PDS5A: variants seen among roughly 807,000 people sequenced by gnomAD.
The protein encoded by PDS5A is sister chromatid cohesion protein PDS5 homolog A.
In PDS5A, 42 loss-of-function variants were observed where a neutral mutation model predicts 167.1. The observed-to-expected ratio is 0.25, with a 90% confidence interval of 0.20 to 0.33. The LOEUF (loss-of-function observed/expected upper bound fraction) is 0.33. Ranked by LOEUF, PDS5A falls within the 10% of genes least tolerant of loss-of-function variation. The pLI, the probability that PDS5A is intolerant of heterozygous loss-of-function variation, is 1.00. For missense variants in PDS5A, 1,033 were observed against 1,605.9 expected (o/e 0.64, Z 6.10); for synonymous variants, 553 against 554.6 (o/e 1.00, Z 0.04).
intron 26 of PDS5A, among the ~76,000 whole-genome samples, chr4:39,857,579 A>G (rs968886542): frequency 6.6e-6 from 1 of 152,174 alleles, no homozygotes; most frequent in African/African-American, 2.4e-5. Context: ...ATTTCATGTA[A>G]CAGTAACCAT....
intron 32 of PDS5A, among the ~76,000 whole-genome samples, chr4:39,836,801 C>T (rs955664951): frequency 7.8e-6 from 1 of 128,076 alleles, no homozygotes; most frequent in African/African-American, 2.6e-5. Flanking sequence ...TACACACATG[C>T]TTCAGTAACT....
intron 16 of PDS5A, among the ~76,000 whole-genome samples, chr4:39,890,773 T>C (rs963362324): frequency 2.0e-5 from 3 of 151,942 alleles, no homozygotes; most frequent in Non-Finnish European, 4.4e-5. Context: ...CGTGCCTCCA[T>C]GCCCAGCTAA....
At chr4:39,971,096 C>G (rs17585854) in intron 2 of PDS5A, among the ~76,000 whole-genome samples, 20 of 151,250 alleles carry the variant, frequency 1.3e-4, no homozygotes, top group South Asian at 1.0e-3. Flanking sequence ...TGAAAACTGA[C>G]GAGAACAGGA....
At chr4:39,888,753 G>A (rs1232173679) in intron 17 of PDS5A, among the ~76,000 whole-genome samples, 1 of 151,886 alleles carries the variant, frequency 6.6e-6, no homozygotes, top group Admixed American at 6.6e-5. Context: ...TGAACCTCAT[G>A]ATGACACAGT....
At chr4:39,865,849 G>C (rs574079047) in intron 23 of PDS5A, among the ~76,000 whole-genome samples, 176 of 152,312 alleles carry the variant, frequency 1.2e-3, no homozygotes, top group Middle Eastern at 3.4e-3. Context: ...TTTTTAAAAA[G>C]GAATGCATCA....
intron 13 of PDS5A, among the ~76,000 whole-genome samples, chr4:39,900,914 C>A (rs1035583405): frequency 1.2e-4 from 18 of 152,196 alleles, no homozygotes; most frequent in Admixed American, 1.1e-3. Context: ...CAGATCAAAT[C>A]ATGAAGGCCT....
At chr4:39,849,449 A>AC (rs1717924231) in intron 27 of PDS5A, 71 bp downstream of exon 27, 3 of 1,120,992 alleles carry the variant, frequency 2.7e-6, no homozygotes, top group Non-Finnish European at 3.8e-6. Context: ...AAAAAAAAAA[A>AC]AAAAAAACCA....
At chr4:39,938,190 G>C (rs1389707961) in intron 2 of PDS5A, among the ~76,000 whole-genome samples, 1 of 152,174 alleles carries the variant, frequency 6.6e-6, no homozygotes, top group Non-Finnish European at 1.5e-5. Context: ...GAACTGTTCT[G>C]AACCTACTCA....
intron 11 of PDS5A, among the ~76,000 whole-genome samples, chr4:39,908,012 A>G (rs1723547321): frequency 6.6e-6 from 1 of 152,248 alleles, no homozygotes; most frequent in Non-Finnish European, 1.5e-5. Context: ...AGTAAAGTTC[A>G]ATGAATGGCA....
chr4:39,930,109 G>A (rs1382490064), intron 2 of PDS5A, among the ~76,000 whole-genome samples: 1 of 148,552 alleles, frequency 6.7e-6, no homozygotes, highest in Non-Finnish European at 1.5e-5. Flanking sequence ...CAGCTACTCA[G>A]GAGGCTGAGG....
intron 23 of PDS5A, 21 bp downstream of exon 23, chr4:39,866,840 G>A (rs1451274546): frequency 6.3e-7 from 1 of 1,590,590 alleles, no homozygotes; most frequent in East Asian, 2.2e-5. Flanking sequence ...TAAGAAAACT[G>A]GAAAGAAAGA....
chr4:39,861,236 G>T lies in PDS5A; in HGVS notation c.3086+983C>A, dbSNP rs565997575. Among the ~76,000 whole-genome samples, 6 of 151,900 alleles carry T rather than the reference G, an allele frequency of 3.9e-5. No individual in the cohort carries two copies. In the South Asian group the frequency reaches 8.3e-4, roughly 21 times the overall value. On this transcript the variant is annotated intron_variant, in intron 26 of 32. Transcript: ENST00000303538. ...AGCACTTGGGGAGGCTGAGGCAGGG[G>T]GATCACAAGGTCAGGAGAGCAGCCT...
At chr4:39,871,127 C>G (rs1719989267) in intron 21 of PDS5A, among the ~76,000 whole-genome samples, 1 of 152,102 alleles carries the variant, frequency 6.6e-6, no homozygotes, top group South Asian at 2.1e-4. Flanking sequence ...GAAGGTAGAA[C>G]AGAGGGCAAT....
chr4:39,930,247 G>GTTTTTTTT lies in PDS5A; in HGVS notation c.139-2084_139-2083insAAAAAAAA, dbSNP rs1258661213. On this transcript the variant is annotated intron_variant, in intron 2 of 32. Transcript: ENST00000303538. ...AAAAAAAAAAAAAAAAAAAAAAAAA[G>GTTTTTTTT]TTTTTTTGTTTTTTGTTTTTTTTTT... Among the ~76,000 whole-genome samples, 340 of 61,748 alleles carry GTTTTTTTT rather than the reference G, an allele frequency of 5.5e-3. 15 individuals carry two copies. The highest frequency in any genetic ancestry group is 0.014 in the East Asian group (22 of 1,612). The allele number at this position is 61,748 out of a possible 152,430, so 40.5% of individuals were successfully genotyped here.
intron 5 of PDS5A, among the ~76,000 whole-genome samples, chr4:39,923,000 A>C (rs527389722): frequency 6.6e-6 from 1 of 152,230 alleles, no homozygotes; most frequent in South Asian, 2.1e-4. Context: ...AATTTCTAAT[A>C]AACTACATTT....
chr4:39,908,239 A>G (rs778779551), intron 11 of PDS5A, among the ~76,000 whole-genome samples, 156 bp downstream of exon 11: 3 of 152,254 alleles, frequency 2.0e-5, no homozygotes, highest in Non-Finnish European at 4.4e-5. Context: ...GATAATTAAA[A>G]GATATGCAGG....
intron 2 of PDS5A, among the ~76,000 whole-genome samples, chr4:39,929,033 A>G (rs1296076749): frequency 6.6e-6 from 1 of 152,172 alleles, no homozygotes; most frequent in African/African-American, 2.4e-5. Flanking sequence ...TGTGTACTTT[A>G]TGCTGGCCTG....
At chr4:39,835,915 T>TA (rs1312142831) in intron 32 of PDS5A, among the ~76,000 whole-genome samples, 2 of 152,302 alleles carry the variant, frequency 1.3e-5, no homozygotes, top group Middle Eastern at 3.4e-3. Flanking sequence ...GTGTGATGAT[T>TA]AGTACTTTTT....
At chr4:39,936,011 C>G (rs772851528) in intron 2 of PDS5A, among the ~76,000 whole-genome samples, 1 of 152,114 alleles carries the variant, frequency 6.6e-6, no homozygotes, top group African/African-American at 2.4e-5. Flanking sequence ...TATACCCATA[C>G]AAAAGACTTC....
Sources: allele counts gnomAD v4.1 joint callset (sites outside exome capture counted in the v4.1 genomes callset), GRCh38; gene constraint gnomAD v4.1.1; transcripts MANE v1.5; gene names NCBI Gene and HGNC (gene_info 2026-07-23, HGNC 2026-07-21).